The following RCAN1 variants were observed in gnomAD, a reference collection of about 807,000 sequenced individuals.
RCAN1 encodes regulator of calcineurin 1, also known as calcipressin-1.
A neutral mutation model predicts 22.9 loss-of-function variants in RCAN1; 11 were observed. The observed-to-expected ratio is 0.48, with a 90% CI of 0.30 to 0.79. RCAN1 has a LOEUF of 0.79. Ranked by LOEUF, RCAN1 falls within the 30% of genes least tolerant of loss-of-function variation. RCAN1 has a pLI of 0.06. For synonymous variants in RCAN1, 136 were observed against 142.3 expected (o/e 0.96, Z 0.32); for missense variants, 291 against 337.8 (o/e 0.86, Z 1.09).
intron 1 of RCAN1, among the ~76,000 whole-genome samples, chr21:34,604,042 T>C (rs1008209703): frequency 6.6e-6 from 1 of 152,240 alleles, no homozygotes; most frequent in East Asian, 1.9e-4. Flanking sequence ...TGTTGGCAGA[T>C]GTTTTGAGAA....
At chr21:34,575,893 T>G (rs1032991678) in intron 1 of RCAN1, among the ~76,000 whole-genome samples, 17 of 152,152 alleles carry the variant, frequency 1.1e-4, no homozygotes, top group Non-Finnish European at 1.6e-4. Context: ...GTAGGCATTA[T>G]TTTACAAATG....
chr21:34,532,182 T>A (rs1985427016), intron 1 of RCAN1, among the ~76,000 whole-genome samples: 1 of 151,866 alleles, frequency 6.6e-6, no homozygotes, highest in Non-Finnish European at 1.5e-5. Flanking sequence ...TGATCAGACA[T>A]CACCTGACGG....
chr21:34,553,143 T>A (rs1217960319), intron 1 of RCAN1, among the ~76,000 whole-genome samples: 1 of 152,246 alleles, frequency 6.6e-6, no homozygotes, highest in African/African-American at 2.4e-5. Context: ...GCCACATTTT[T>A]GTAGCAGCAA....
rs1007935708 is a variant in RCAN1 at position 34,518,022 on chromosome 21, C to T, written c.*62G>A. On this transcript the variant is annotated 3_prime_UTR_variant, in exon 4 of 4. Coordinates refer to ENST00000313806, the MANE Select transcript of RCAN1 (RefSeq NM_004414.7). The surrounding 1 kb of genome is among the most constrained non-coding windows in gnomAD (Gnocchi z 4.2). ...CTCCGAAGAAGTCGTGACCAGCCAC[C>T]TCCACAGTAAAAGATTCCTCCCGTG... is the stretch of plus-strand genomic sequence containing the variant. The T allele has an allele frequency of 3.1e-6, 5 of 1,588,534 alleles. No individual in the cohort carries two copies. The highest frequency in any genetic ancestry group is 1.7e-5 in the Admixed American group (1 of 58,724).
At chr21:34,541,584 C>T (rs1040311218) in intron 1 of RCAN1, among the ~76,000 whole-genome samples, 4 of 152,180 alleles carry the variant, frequency 2.6e-5, no homozygotes, top group Admixed American at 6.5e-5. Flanking sequence ...TATCTATTAA[C>T]GGATGTCCTG....
intron 1 of RCAN1, among the ~76,000 whole-genome samples, chr21:34,601,972 G>A (rs904552857): frequency 6.6e-6 from 1 of 152,060 alleles, no homozygotes; most frequent in Non-Finnish European, 1.5e-5. Flanking sequence ...AACAAAACCT[G>A]CACCTAAAGA....
At chr21:34,542,324 G>A (rs8129272) in intron 1 of RCAN1, among the ~76,000 whole-genome samples, 21,617 of 152,120 alleles carry the variant, frequency 0.14, 1,898 homozygotes, top group African/African-American at 0.23. Context: ...AAGACACCAA[G>A]TTTAGGTCAT....
At chr21:34,519,397 C>CTTTTTTTTTTTTTTTTTTTTTTTTTTTTT (rs34152667) in intron 3 of RCAN1, among the ~76,000 whole-genome samples, 2 of 102,786 alleles carry the variant, frequency 1.9e-5, no homozygotes, top group Non-Finnish European at 3.8e-5. Context: ...TTCTTTCTTT[C>CTTTTTTTTTTTTTTTTTTTTTTTTTTTTT]TTTTTTTTTT....
intron 1 of RCAN1, among the ~76,000 whole-genome samples, chr21:34,534,990 CAG>C (rs1453663876): frequency 2.0e-5 from 3 of 152,186 alleles, no homozygotes; most frequent in Admixed American, 2.0e-4. Context: ...AGAGGAAGAG[CAG>C]AGTCAATTGG....
intron 1 of RCAN1, among the ~76,000 whole-genome samples, chr21:34,572,669 A>G (rs1011665993): frequency 6.6e-6 from 1 of 152,188 alleles, no homozygotes; most frequent in Non-Finnish European, 1.5e-5. Context: ...ATTTGGCTGT[A>G]TTAGTCCGGT....
At chr21:34,557,450 C>T (rs1008924247) in intron 1 of RCAN1, among the ~76,000 whole-genome samples, 20 of 152,094 alleles carry the variant, frequency 1.3e-4, no homozygotes, top group African/African-American at 3.9e-4. Flanking sequence ...GTGCAGGTCA[C>T]GTGATTGCTC....
chr21:34,539,515 T>C (rs1985827873), intron 1 of RCAN1, among the ~76,000 whole-genome samples: 1 of 152,240 alleles, frequency 6.6e-6, no homozygotes, highest in Non-Finnish European at 1.5e-5. Flanking sequence ...ATTATTTAGA[T>C]TCTAGCATGA....
intron 1 of RCAN1, among the ~76,000 whole-genome samples, chr21:34,613,399 C>G (rs1197458423): frequency 2.0e-5 from 3 of 152,300 alleles, no homozygotes; most frequent in East Asian, 1.9e-4. Flanking sequence ...TAGGACAGTA[C>G]CTATCCCGTA....
Position 34,614,716 on chromosome 21 carries a change from G to A in RCAN1, c.252+44C>T. The A allele has an allele frequency of 1.4e-6, 2 of 1,384,934 alleles. No homozygotes were observed. The highest frequency in any genetic ancestry group is 1.9e-6 in the Non-Finnish European group (2 of 1,063,020). 85.8% of individuals were successfully genotyped at this position (1,384,934 alleles called of 1,614,324 possible). On this transcript the variant is annotated intron_variant, in intron 1 of 3. Coordinates refer to ENST00000313806, the MANE Select transcript of RCAN1 (RefSeq NM_004414.7). The surrounding 1 kb of genome is among the most constrained non-coding windows in gnomAD (Gnocchi z 6.0). ...CCCGCGCCGCCTCCTCGGGCAACAAGTGTCCGCCCTCCGCCCCGACGGCCC... is the reference window on the plus strand; with the variant it reads ...CCCGCGCCGCCTCCTCGGGCAACAAATGTCCGCCCTCCGCCCCGACGGCCC...
At position 34,614,633 on chromosome 21, in the gene RCAN1, A is replaced by G; in HGVS notation, c.252+127T>C. On this transcript the variant is annotated intron_variant, in intron 1 of 3. Transcript: ENST00000313806. The surrounding 1 kb of genome is among the most constrained non-coding windows in gnomAD (Gnocchi z 6.0). ...AGCCCTGACGGGTCCGCGGCCGAGC[A>G]GCCCGGGGGACGTCGCTGCCTCCCC... 1 of 1,096,826 alleles carries G rather than the reference A, an allele frequency of 9.1e-7. No homozygotes were observed. Among genetic ancestry groups the G allele is most frequent in the Non-Finnish European group, 1.1e-6 (1 of 890,506 alleles). The allele number at this position is 1,096,826 out of a possible 1,614,324, so 67.9% of individuals were successfully genotyped here.
rs916883114 is a variant in RCAN1 at position 34,596,748 on chromosome 21, G to C, written c.252+18012C>G. 3.3e-5 allele frequency among the ~76,000 whole-genome samples: 5 copies of C among 152,314 alleles called. No individual in the cohort carries two copies. In the East Asian group the frequency reaches 7.7e-4, roughly 24 times the overall value. On this transcript the variant is annotated intron_variant, in intron 1 of 3. Transcript: ENST00000313806. Reference sequence around the variant, plus strand: ...TCAGGGTGCTTTCCACCTCGACAAAGGGCCGAGGACTTTGCCTCCCTGCCT... The same window carrying C: ...TCAGGGTGCTTTCCACCTCGACAAACGGCCGAGGACTTTGCCTCCCTGCCT...
intron 3 of RCAN1, among the ~76,000 whole-genome samples, chr21:34,519,606 C>T (rs1984341992): frequency 6.6e-6 from 1 of 151,898 alleles, no homozygotes; most frequent in African/African-American, 2.4e-5. Context: ...ACCATGTTGG[C>T]CAGGATGGTC....
chr21:34,566,358 C>T (rs935426372), intron 1 of RCAN1, among the ~76,000 whole-genome samples: 7 of 152,214 alleles, frequency 4.6e-5, no homozygotes, highest in Non-Finnish European at 8.8e-5. Context: ...CCTGAGTCCA[C>T]ATGGCTGAAA....
intron 1 of RCAN1, among the ~76,000 whole-genome samples, chr21:34,597,673 A>G (rs192045048): frequency 2.4e-4 from 36 of 152,332 alleles, no homozygotes; most frequent in Admixed American, 7.2e-4. Context: ...TTTCCATAAG[A>G]TGAGAATACC....
Sources: allele counts gnomAD v4.1 joint callset (sites outside exome capture counted in the v4.1 genomes callset), GRCh38; gene constraint gnomAD v4.1.1; non-coding constraint Gnocchi (gnomAD v3.1); transcripts MANE v1.5; gene names NCBI Gene and HGNC (gene_info 2026-07-23, HGNC 2026-07-21).